The following MTIF3 variants were observed in gnomAD, a reference collection of about 807,000 sequenced individuals.
The protein encoded by MTIF3 is translation initiation factor IF-3, mitochondrial.
In MTIF3, 13 loss-of-function variants were observed where a neutral mutation model predicts 20.7. The ratio of observed to expected loss-of-function variants is 0.63; its 90% confidence interval spans 0.41 to 1.00. The LOEUF (loss-of-function observed/expected upper bound fraction) is 1.00, where lower values mean the gene tolerates loss of function less well. Among genes scored for constraint, MTIF3 ranks in the 50% least tolerant of loss-of-function variants. The pLI is 0.00. For missense variants in MTIF3, 295 were observed against 324.5 expected (o/e 0.91, Z 0.70); for synonymous variants, 114 against 112.5 (o/e 1.01, Z -0.08).
At chr13:27,446,498 A>G (rs908610378) in intron 1 of MTIF3, among the ~76,000 whole-genome samples, 1 of 152,244 alleles carries the variant, frequency 6.6e-6, no homozygotes, top group African/African-American at 2.4e-5. Flanking sequence ...CATTTGCTAA[A>G]TCTAGGTTAT....
intron 1 of MTIF3, chr13:27,450,278 G>A (rs1165588187): frequency 6.6e-6 from 1 of 152,306 alleles, no homozygotes; most frequent in Non-Finnish European, 1.5e-5. Flanking sequence ...GGCAACTCTA[G>A]GTCTAACATC....
chr13:27,439,314 G>A (rs1309532621), intron 3 of MTIF3, among the ~76,000 whole-genome samples: 1 of 152,106 alleles, frequency 6.6e-6, no homozygotes, highest in Non-Finnish European at 1.5e-5. Context: ...TGGCCAACAT[G>A]GTGAAACCCC....
At chr13:27,436,023 G>C in intron 4 of MTIF3, 130 bp from the exon 5 acceptor site, 3 of 664,312 alleles carry the variant, frequency 4.5e-6, no homozygotes, top group Non-Finnish European at 7.8e-6. Context: ...TAGCTAATCA[G>C]TTCATACGTA....
chr13:27,439,533 A>T (rs955152434), intron 3 of MTIF3, among the ~76,000 whole-genome samples: 2 of 152,020 alleles, frequency 1.3e-5, no homozygotes, highest in Non-Finnish European at 2.9e-5. Context: ...TTAACCAAAC[A>T]CCTCCACTTT....
At chr13:27,444,231 G>A (rs1017511650) in intron 2 of MTIF3, among the ~76,000 whole-genome samples, 10 of 152,092 alleles carry the variant, frequency 6.6e-5, no homozygotes, top group Non-Finnish European at 1.2e-4. Context: ...GCGTGAACCC[G>A]GGAGGCGGAG....
At chr13:27,439,913 C>T (rs1210699871) in intron 3 of MTIF3, 76 bp downstream of exon 3, 1 of 1,330,980 alleles carries the variant, frequency 7.5e-7, no homozygotes, top group East Asian at 2.4e-5. Context: ...TCACAGGCAC[C>T]TTGACAAATG....
At chr13:27,447,719 TG>T (rs1954227166) in intron 1 of MTIF3, among the ~76,000 whole-genome samples, 1 of 20,692 alleles carries the variant, frequency 4.8e-5, no homozygotes, top group African/African-American at 2.1e-4. Context: ...ACTATTGTTC[TG>T]ATTTTTTCCC....
At chr13:27,449,009 C>T (rs149488592) in intron 1 of MTIF3, among the ~76,000 whole-genome samples, 1,692 of 152,316 alleles carry the variant, frequency 0.011, 34 homozygotes, top group African/African-American at 0.039. Context: ...CACCGCACTC[C>T]AGCCTAAGCA....
At chr13:27,443,219 G>A (rs543295248) in intron 2 of MTIF3, among the ~76,000 whole-genome samples, 2 of 152,224 alleles carry the variant, frequency 1.3e-5, no homozygotes, top group African/African-American at 2.4e-5. Context: ...GGTGGCTCCA[G>A]CTGTAGATGC....
In MTIF3 at chr13:27,435,865, G is replaced by C; in HGVS notation, c.647C>G (p.Thr216Ser). Reference sequence around the variant, plus strand: ...TGAGAATGTAGCTATTCCAGGCATAGTCTGGAGTATTTGATGAAATATCTC... The same window carrying C: ...TGAGAATGTAGCTATTCCAGGCATACTCTGGAGTATTTGATGAAATATCTC... ...MEEIFHQILQ[T>S]MPGIATFSSR... is the part of the protein sequence containing the mutation. Residue 216 changes from threonine to serine, a missense_variant, in exon 5 of 5, where the codon ACT becomes AGT. By Grantham distance (58) the Thr-to-Ser change is moderately conservative. Transcript: ENST00000381120. 1 of 1,613,448 alleles carries C rather than the reference G, an allele frequency of 6.2e-7. No homozygotes were observed. The highest frequency in any genetic ancestry group is 1.3e-5 in the African/African-American group (1 of 75,008).
At chr13:27,437,300 G>A (rs1361580393) in intron 3 of MTIF3, 27 bp from the exon 4 acceptor site, 1 of 1,605,434 alleles carries the variant, frequency 6.2e-7, no homozygotes, top group African/African-American at 1.3e-5. Context: ...AGGGTGCAAG[G>A]ACTACTGACT....
chr13:27,441,009 A>G (rs764184719), intron 2 of MTIF3: 2 of 162,256 alleles, frequency 1.2e-5, no homozygotes, highest in Non-Finnish European at 2.7e-5. Context: ...AAGAGAAAAT[A>G]TATTTACTAT....
At position 27,438,798 on chromosome 13, in the gene MTIF3, C is replaced by CT. The variant is rs367684607; in HGVS notation, c.460+1190dup. On this transcript the variant is annotated intron_variant, in intron 3 of 4. Coordinates refer to ENST00000381120, the MANE Select transcript of MTIF3 (RefSeq NM_152912.5). ...GACGTGAGCCACCACGCCCAGTGAC[C>CT]TTTTTTTTTTTAAGTGACATAGTTT... is the stretch of plus-strand genomic sequence containing the variant. Among the ~76,000 whole-genome samples the CT allele has an allele frequency of 7.6e-4, 112 of 146,866 alleles. 1 individual carries two copies. Among genetic ancestry groups the CT allele is most frequent in the African/African-American group, 2.1e-3 (86 of 40,160 alleles).
At chr13:27,436,386 GGAT>G (rs748717455) in intron 4 of MTIF3, among the ~76,000 whole-genome samples, 1 of 151,598 alleles carries the variant, frequency 6.6e-6, no homozygotes, top group Non-Finnish European at 1.5e-5. Flanking sequence ...TACCCTTAGT[GGAT>G]GATAAAGTTA....
intron 2 of MTIF3, among the ~76,000 whole-genome samples, chr13:27,442,577 C>T (rs762051248): frequency 6.6e-6 from 1 of 152,176 alleles, no homozygotes; most frequent in Admixed American, 6.5e-5. Context: ...CTGTGCCGAC[C>T]GTACTTCTTC....
At chr13:27,443,871 A>G (rs934550793) in intron 2 of MTIF3, among the ~76,000 whole-genome samples, 10 of 152,184 alleles carry the variant, frequency 6.6e-5, no homozygotes, top group African/African-American at 2.2e-4. Flanking sequence ...AAGTTTTTTT[A>G]TAAGTGTTAT....
At chr13:27,438,705 A>C (rs929874921) in intron 3 of MTIF3, among the ~76,000 whole-genome samples, 1 of 151,952 alleles carries the variant, frequency 6.6e-6, no homozygotes, top group Non-Finnish European at 1.5e-5. Context: ...TATATTGCCC[A>C]GGCTGGTATT....
chr13:27,444,172 G>A (rs1225465188), intron 2 of MTIF3, among the ~76,000 whole-genome samples: 2 of 152,202 alleles, frequency 1.3e-5, no homozygotes, highest in African/African-American at 4.8e-5. Flanking sequence ...TGGGCGTGGT[G>A]GCGGGCGCCT....
intron 3 of MTIF3, among the ~76,000 whole-genome samples, chr13:27,439,529 A>G (rs1025864716): frequency 6.6e-6 from 1 of 152,180 alleles, no homozygotes; most frequent in Non-Finnish European, 1.5e-5. Context: ...ATAATTAACC[A>G]AACACCTCCA....
Sources: gnomAD v4.1 joint callset for allele counts (sites outside exome capture counted in the v4.1 genomes callset) on GRCh38, gnomAD v4.1.1 for gene constraint, MANE v1.5 for transcripts, NCBI Gene and HGNC (gene_info 2026-07-23, HGNC 2026-07-21) for gene names.